ENTPD4: variants seen among roughly 807,000 people sequenced by gnomAD.
ENTPD4 encodes the protein Golgi UDPase.
Under a neutral mutation model 79.1 loss-of-function variants are expected in ENTPD4, and 60 were observed. That is an observed-to-expected ratio of 0.76 (90% CI 0.62 to 0.94). The LOEUF (loss-of-function observed/expected upper bound fraction) is 0.94, where lower values mean the gene tolerates loss of function less well. Ranked by LOEUF, ENTPD4 falls within the 40% of genes least tolerant of loss-of-function variation. The pLI, the probability that ENTPD4 is intolerant of heterozygous loss-of-function variation, is 0.00. For synonymous variants in ENTPD4, 276 were observed against 292.0 expected, an observed-to-expected ratio of 0.95 and a Z score of 0.56; for missense variants, 772 against 775.1, an observed-to-expected ratio of 1.00 and a Z score of 0.05.
At position 23,432,118 on chromosome 8, in the gene ENTPD4, A is replaced by T. The variant is rs1430565461; in HGVS notation, c.*808T>A. On this transcript the variant is annotated 3_prime_UTR_variant, in exon 13 of 13. Transcript: ENST00000358689. ...GTTTTGGATATAAATGGTTTAAAAAATTTAAATTTGCAAAGAAAACATATA... is the reference window on the plus strand; with the variant it reads ...GTTTTGGATATAAATGGTTTAAAAATTTTAAATTTGCAAAGAAAACATATA... 1.0e-6 allele frequency: 1 copy of T among 985,004 alleles called. No individual in the cohort carries two copies. Among genetic ancestry groups the T allele is most frequent in the Non-Finnish European group, 1.2e-6 (1 of 829,536 alleles). The allele number at this position is 985,004 out of a possible 1,614,324, so 61.0% of individuals were successfully genotyped here. A position where few individuals can be genotyped will look rare whatever the true frequency, so the allele number is the denominator to read the frequency against.
intron 10 of ENTPD4, 122 bp downstream of exon 10, chr8:23,436,812 T>C (rs1448826911): frequency 2.5e-6 from 2 of 795,650 alleles, no homozygotes; most frequent in Non-Finnish European, 4.1e-6. Context: ...GATCCCAACA[T>C]GCTGCAGTGC....
intron 9 of ENTPD4, 128 bp downstream of exon 9, chr8:23,439,621 G>T: frequency 1.2e-6 from 1 of 827,026 alleles, no homozygotes. Context: ...TCAGCTAGTG[G>T]GGGAATAAAA....
At chr8:23,452,968 TTC>T (rs1218418153) in intron 1 of ENTPD4, among the ~76,000 whole-genome samples, 1 of 152,212 alleles carries the variant, frequency 6.6e-6, no homozygotes, top group Non-Finnish European at 1.5e-5. Context: ...CCTCTTATTC[TTC>T]TGTTTCCCCC....
intron 12 of ENTPD4, 62 bp from the exon 13 acceptor site, chr8:23,433,216 G>C (rs1335110067): frequency 2.4e-5 from 35 of 1,453,004 alleles, no homozygotes; most frequent in Non-Finnish European, 9.6e-7. Context: ...TGGAAAGGGT[G>C]CACAGGGGGA....
chr8:23,455,761 C>T (rs1273921031), intron 1 of ENTPD4, among the ~76,000 whole-genome samples: 1 of 152,156 alleles, frequency 6.6e-6, no homozygotes, highest in Non-Finnish European at 1.5e-5. Context: ...CTCAACTAGT[C>T]CAACTCTAGG....
At chr8:23,442,095 G>A (rs1563225023) in intron 6 of ENTPD4, 29 bp from the exon 7 acceptor site, 1 of 1,580,836 alleles carries the variant, frequency 6.3e-7, no homozygotes, top group Non-Finnish European at 8.7e-7. Flanking sequence ...GTGAAGAGAA[G>A]AAAAAGTTTT....
Position 23,429,295 on chromosome 8 carries a change from C to T in ENTPD4, c.*3631G>A, listed in dbSNP as rs1328754330. The stretch of plus-strand genomic sequence containing the variant: ...TATTCTTACTTTGGATGGAAGACAT[C>T]GCTTAAACAAAAAACATTTAAAGAT... On this transcript the variant is annotated 3_prime_UTR_variant, in exon 13 of 13. Coordinates refer to ENST00000358689, the MANE Select transcript of ENTPD4 (RefSeq NM_004901.5). 20 of 985,188 alleles carry T rather than the reference C, an allele frequency of 2.0e-5. No homozygotes were observed. Among genetic ancestry groups the T allele is most frequent in the Admixed American group, 6.2e-5 (1 of 16,246 alleles). The allele number at this position is 985,188 out of a possible 1,614,324, so 61.0% of individuals were successfully genotyped here. A position where few individuals can be genotyped will look rare whatever the true frequency, so the allele number is the denominator to read the frequency against.
intron 1 of ENTPD4, among the ~76,000 whole-genome samples, chr8:23,457,272 C>T (rs112323838): frequency 6.6e-6 from 1 of 152,138 alleles, no homozygotes; most frequent in African/African-American, 2.4e-5. Flanking sequence ...GGATCCCGAG[C>T]GGTCACCCGA....
At chr8:23,456,415 G>A (rs1248856154) in intron 1 of ENTPD4, among the ~76,000 whole-genome samples, 1 of 152,184 alleles carries the variant, frequency 6.6e-6, no homozygotes, top group Non-Finnish European at 1.5e-5. Flanking sequence ...AATTGGAATC[G>A]TCTCTTTATT....
In ENTPD4 at chr8:23,444,563, G is replaced by A. The variant is rs1199676363; in HGVS notation, c.456C>T (p.Tyr152=). Residue 152 remains tyrosine, a synonymous_variant, in exon 5 of 13, where the codon TAC becomes TAT. Transcript: ENST00000358689. ...FATSPEKVSD[Y]ISPLLNFAAE... ...CAGCAAAGTTCAAAAGTGGAGAAAT[G>A]TAATCACTGACTTTCTCTGGAGAGG... 2 of 1,614,092 alleles carry A rather than the reference G, an allele frequency of 1.2e-6. No homozygotes were observed. Among genetic ancestry groups the A allele is most frequent in the South Asian group, 1.1e-5 (1 of 91,084 alleles).
In ENTPD4 at chr8:23,437,199, G is replaced by C; in HGVS notation, c.1109C>G (p.Pro370Arg). ...PDMPYLDPCL[P>R]LDIKDEIQQN... The stretch of plus-strand genomic sequence containing the variant: ...CTGGATTTCATCTTTAATGTCTAGG[G>C]GTAGGCAGGGGTCCAAGTACGGCAT... The change falls in exon 10 of 13, where the codon CCC becomes CGC. Residue 370 changes from proline (P) to arginine (R), a missense_variant. Pro to Arg is a moderately radical substitution (Grantham distance 103). Transcript: ENST00000358689. 1 of 1,614,116 alleles carries C rather than the reference G, an allele frequency of 6.2e-7. No individual in the cohort carries two copies. The highest frequency in any genetic ancestry group is 8.5e-7 in the Non-Finnish European group (1 of 1,179,994).
rs1346746073 is a variant in ENTPD4, at chr8:23,433,033, G to A, written c.1744C>T (p.Leu582=). ...CTGTGGATGCGCCGCAGCCGCAGCA[G>A]GTACAGCAGGATGGCCAGCAGCACC... ...LVVLLAILLY[L]LRLRRIHRRT... is the part of the protein sequence containing the mutation. The change falls in exon 13 of 13, where the codon CTG becomes TTG. Residue 582 remains leucine, a synonymous_variant. Transcript: ENST00000358689. The A allele has an allele frequency of 6.2e-7, 1 of 1,614,158 alleles. No homozygotes were observed. The highest frequency in any genetic ancestry group is 8.5e-7 in the Non-Finnish European group (1 of 1,180,020).
Position 23,441,646 on chromosome 8 carries a change from T to C in ENTPD4, c.805A>G (p.Ile269Val). The part of the protein sequence containing the change: ...EAIVRKRTAG[I>V]LDMGGVSTQI... ...GTCGACACGCCGCCCATGTCGAGAATGCCCGCTGTCCTTTTACGGACAATG... is the reference window on the plus strand; with the variant it reads ...GTCGACACGCCGCCCATGTCGAGAACGCCCGCTGTCCTTTTACGGACAATG... The change falls in exon 8 of 13, where the codon ATT becomes GTT. Residue 269 changes from isoleucine to valine, a missense_variant. Transcript: ENST00000358689. 3.1e-6 allele frequency: 5 copies of C among 1,614,200 alleles called. No individual in the cohort carries two copies. The highest frequency in any genetic ancestry group is 4.2e-6 in the Non-Finnish European group (5 of 1,180,024).
At chr8:23,443,549 C>T (rs1380865796) in intron 6 of ENTPD4, among the ~76,000 whole-genome samples, 2 of 152,138 alleles carry the variant, frequency 1.3e-5, no homozygotes, top group Non-Finnish European at 2.9e-5. Flanking sequence ...TGATCAACGT[C>T]CCAGGAAGCC....
At chr8:23,442,834 T>G (rs1258039136) in intron 6 of ENTPD4, among the ~76,000 whole-genome samples, 3 of 152,156 alleles carry the variant, frequency 2.0e-5, no homozygotes, top group Admixed American at 2.0e-4. Context: ...CCTATTCCTC[T>G]GCTGCAACCT....
intron 12 of ENTPD4, among the ~76,000 whole-genome samples, chr8:23,433,759 A>G (rs1419152821): frequency 6.6e-6 from 1 of 152,182 alleles, no homozygotes; most frequent in Non-Finnish European, 1.5e-5. Context: ...AAAATCACAG[A>G]TCTTTCATGT....
chr8:23,448,032 A>G, intron 3 of ENTPD4, 147 bp from the exon 4 acceptor site: 1 of 637,532 alleles, frequency 1.6e-6, no homozygotes, highest in Non-Finnish European at 2.8e-6. Context: ...GAATAATTGA[A>G]GAGTCAAAAG....
At chr8:23,442,977 ATTTGTG>A (rs1800700375) in intron 6 of ENTPD4, among the ~76,000 whole-genome samples, 1 of 152,090 alleles carries the variant, frequency 6.6e-6, no homozygotes, top group Non-Finnish European at 1.5e-5. Context: ...AAACTAAAAC[ATTTGTG>A]TTTCTCTGTC....
In ENTPD4 at chr8:23,447,663, T is replaced by C. The variant is rs749263960; in HGVS notation, c.412+17A>G. The C allele has an allele frequency of 6.3e-7, 1 of 1,597,610 alleles. No homozygotes were observed. Among genetic ancestry groups the C allele is most frequent in the Non-Finnish European group, 8.6e-7 (1 of 1,164,898 alleles). ...GTACACACCCTGGTTACCAGGCAGA[T>C]GTTCTCATTTACATACCCGGTTTTA... On this transcript the variant is annotated intron_variant, in intron 4 of 12. Transcript: ENST00000358689.
Sources: gnomAD v4.1 joint callset for allele counts (sites outside exome capture counted in the v4.1 genomes callset) on GRCh38, gnomAD v4.1.1 for gene constraint, MANE v1.5 for transcripts, NCBI Gene and HGNC (gene_info 2026-07-23, HGNC 2026-07-21) for gene names.